Variants in CFAP44 observed in about 807,000 individuals in gnomAD.
The protein encoded by CFAP44 is cilia and flagella associated protein 44, also known as cilia- and flagella-associated protein 44.
CFAP44 carries 134 observed loss-of-function variants against 216.2 expected under a neutral mutation model. The ratio of observed to expected loss-of-function variants is 0.62; its 90% CI spans 0.54 to 0.72. CFAP44 has a LOEUF of 0.72. CFAP44 is among the 30% of genes least tolerant of loss of function. The pLI, the probability that CFAP44 is intolerant of heterozygous loss-of-function variation, is 0.00. For missense variants in CFAP44, 2,035 were observed against 2,182.1 expected (o/e 0.93, Z 1.34); for synonymous variants, 700 against 727.6 (o/e 0.96, Z 0.61).
intron 6 of CFAP44, among the ~76,000 whole-genome samples, chr3:113,409,830 G>A (rs887440114): frequency 2.0e-5 from 3 of 152,176 alleles, no homozygotes; most frequent in Non-Finnish European, 2.9e-5. Context: ...TGATGAAAGC[G>A]ACCTCTGGTC....
intron 22 of CFAP44, among the ~76,000 whole-genome samples, chr3:113,353,425 C>T (rs1030914715): frequency 2.8e-5 from 4 of 144,636 alleles, no homozygotes; most frequent in South Asian, 2.4e-4. Context: ...CCTAAGTTTG[C>T]GAGTTAGGAT....
chr3:113,339,152 T>C (rs1646109126), intron 24 of CFAP44, among the ~76,000 whole-genome samples: 1 of 152,206 alleles, frequency 6.6e-6, no homozygotes, highest in Non-Finnish European at 1.5e-5. Context: ...GGTTCCTTCC[T>C]GAGGCCAAGC....
chr3:113,372,121 A>G (rs577148999), intron 18 of CFAP44, among the ~76,000 whole-genome samples: 1 of 152,340 alleles, frequency 6.6e-6, no homozygotes, highest in South Asian at 2.1e-4. Context: ...ATGCTTTTAC[A>G]CTGCTGGTGG....
intron 4 of CFAP44, among the ~76,000 whole-genome samples, chr3:113,421,995 T>C (rs1248112030): frequency 7.0e-6 from 1 of 143,618 alleles, no homozygotes; most frequent in African/African-American, 2.4e-5. Context: ...AATAAATATA[T>C]TTTTTTAAAA....
chr3:113,414,071 T>C (rs1466343560), intron 6 of CFAP44, among the ~76,000 whole-genome samples: 1 of 152,198 alleles, frequency 6.6e-6, no homozygotes, highest in Non-Finnish European at 1.5e-5. Context: ...AAGAGGTCCT[T>C]CACATCCCTT....
At chr3:113,292,223 C>T (rs896223450) in intron 34 of CFAP44, among the ~76,000 whole-genome samples, 2 of 152,148 alleles carry the variant, frequency 1.3e-5, no homozygotes, top group African/African-American at 2.4e-5. Flanking sequence ...TTTATCGAAA[C>T]ATCCATTATA....
At chr3:113,336,729 G>A (rs1441727330) in intron 24 of CFAP44, among the ~76,000 whole-genome samples, 1 of 151,758 alleles carries the variant, frequency 6.6e-6, no homozygotes, top group Non-Finnish European at 1.5e-5. Flanking sequence ...AAACATAAAT[G>A]GTCTAAATAT....
At chr3:113,393,479 C>T (rs1005867960) in intron 15 of CFAP44, among the ~76,000 whole-genome samples, 3 of 151,976 alleles carry the variant, frequency 2.0e-5, no homozygotes, top group African/African-American at 7.3e-5. Context: ...CTATTCATTC[C>T]CAGGAGAGCT....
At chr3:113,357,553 C>T (rs9851183) in intron 22 of CFAP44, among the ~76,000 whole-genome samples, 7,140 of 152,212 alleles carry the variant, frequency 0.047, 288 homozygotes, top group African/African-American at 0.11. Context: ...AACAGATTCT[C>T]CCCACCAAGT....
At chr3:113,394,637 T>C (rs1407030156) in intron 15 of CFAP44, among the ~76,000 whole-genome samples, 2 of 152,194 alleles carry the variant, frequency 1.3e-5, no homozygotes, top group African/African-American at 4.8e-5. Flanking sequence ...GTGTCCAATC[T>C]TTTTGCTTCC....
intron 24 of CFAP44, among the ~76,000 whole-genome samples, chr3:113,340,937 G>C (rs1950327232): frequency 6.6e-6 from 1 of 152,218 alleles, no homozygotes; most frequent in African/African-American, 2.4e-5. Flanking sequence ...TTTCCCTGGA[G>C]TTGGGCCACT....
chr3:113,395,606 T>G, intron 15 of CFAP44, 144 bp downstream of exon 15: 1 of 627,368 alleles, frequency 1.6e-6, no homozygotes, highest in Non-Finnish European at 2.7e-6. Flanking sequence ...AGCAGCCACC[T>G]GAGCTTTCTG....
chr3:113,293,169 G>A (rs1282210942), intron 34 of CFAP44, among the ~76,000 whole-genome samples: 1 of 152,160 alleles, frequency 6.6e-6, no homozygotes. Flanking sequence ...TCATTCCAGT[G>A]GGTTACTTTG....
At chr3:113,400,106 A>C in intron 12 of CFAP44, 106 bp from the exon 13 acceptor site, 3 of 669,040 alleles carry the variant, frequency 4.5e-6, no homozygotes, top group Non-Finnish European at 7.0e-6. Flanking sequence ...TTCTTAACTA[A>C]ATCAGTCAAT....
intron 22 of CFAP44, among the ~76,000 whole-genome samples, chr3:113,351,372 C>A (rs1950443381): frequency 6.6e-6 from 1 of 152,146 alleles, no homozygotes; most frequent in Non-Finnish European, 1.5e-5. Flanking sequence ...AACTAATACC[C>A]CTAATTATAG....
At chr3:113,383,438 G>T (rs1933565566) in intron 15 of CFAP44, among the ~76,000 whole-genome samples, 1 of 152,158 alleles carries the variant, frequency 6.6e-6, no homozygotes, top group East Asian at 1.9e-4. Context: ...CCACCCTCAT[G>T]ACCTAATTCC....
In CFAP44 at chr3:113,426,259, G is replaced by T. The variant is rs771127513; in HGVS notation, c.272C>A (p.Ala91Asp). 1 of 1,614,006 alleles carries T rather than the reference G, an allele frequency of 6.2e-7. No individual in the cohort carries two copies. Among genetic ancestry groups the T allele is most frequent in the Admixed American group, 1.7e-5 (1 of 59,998 alleles). ...QSTTVPQQTPAPAVEEAEEEV... is the reference protein window; with the variant it reads ...QSTTVPQQTPDPAVEEAEEEV... ...CTCCTCTGCTTCTTCCACAGCTGGAGCAGGGGTTTGCTGAGGTACTAAAAA... is the reference window on the plus strand; with the variant it reads ...CTCCTCTGCTTCTTCCACAGCTGGATCAGGGGTTTGCTGAGGTACTAAAAA... The change falls in exon 4 of 35, where the codon GCT (alanine) becomes GAT (aspartate). Residue 91 changes from alanine (A) to aspartate (D), a missense_variant. Coordinates refer to ENST00000393845, the MANE Select transcript of CFAP44 (RefSeq NM_001164496.2).
At chr3:113,319,559 C>T (rs36108475) in intron 28 of CFAP44, among the ~76,000 whole-genome samples, 17,270 of 152,184 alleles carry the variant, frequency 0.11, 1,069 homozygotes, top group Non-Finnish European at 0.15. Flanking sequence ...AAACTCTGGA[C>T]TTAAACTCAA....
chr3:113,419,380 T>C (rs1461763316), intron 5 of CFAP44, among the ~76,000 whole-genome samples: 1 of 152,232 alleles, frequency 6.6e-6, no homozygotes, highest in Admixed American at 6.5e-5. Context: ...TTCTTCTTCA[T>C]TTAAATTCCC....
Sources: allele counts gnomAD v4.1 joint callset (sites outside exome capture counted in the v4.1 genomes callset), GRCh38; gene constraint gnomAD v4.1.1; transcripts MANE v1.5; gene names NCBI Gene and HGNC (gene_info 2026-07-23, HGNC 2026-07-21).